Variants in ADGRL2 observed in about 807,000 individuals in gnomAD.
The protein encoded by ADGRL2 is adhesion G protein-coupled receptor L2.
In ADGRL2, 44 loss-of-function variants were observed where a neutral mutation model predicts 157.4. That is an observed-to-expected ratio of 0.28 (90% CI 0.22 to 0.36). ADGRL2 has a LOEUF of 0.36. Ranked by LOEUF, ADGRL2 falls within the 10% of genes least tolerant of loss-of-function variation. The pLI, the probability that ADGRL2 is intolerant of heterozygous loss-of-function variation, is 1.00. For missense variants in ADGRL2, 1,510 were observed against 1,768.9 expected, an observed-to-expected ratio of 0.85 and a Z score of 2.63; for synonymous variants, 585 against 624.7, an observed-to-expected ratio of 0.94 and a Z score of 0.95.
chr1:81,422,829 G>A (rs1255548457), intron 1 of ADGRL2, among the ~76,000 whole-genome samples: 1 of 152,106 alleles, frequency 6.6e-6, no homozygotes, highest in Non-Finnish European at 1.5e-5. Context: ...ATAATGCCTG[G>A]AATATATTAA....
intron 1 of ADGRL2, among the ~76,000 whole-genome samples, chr1:81,367,246 T>C (rs772479288): frequency 4.6e-5 from 7 of 152,208 alleles, no homozygotes; most frequent in Non-Finnish European, 7.3e-5. Flanking sequence ...AGAGTACATA[T>C]GCAGAATGTG....
In ADGRL2 at chr1:81,907,197, A is replaced by G. The variant is rs1426710649; in HGVS notation, c.254A>G (p.Tyr85Cys). 6.2e-7 allele frequency: 1 copy of G among 1,613,944 alleles called. No homozygotes were observed. Among genetic ancestry groups the G allele is most frequent in the African/African-American group, 1.3e-5 (1 of 74,978 alleles). The part of the protein sequence containing the change: ...DPFQMENTDC[Y>C]LPDAFKIMTQ... ...TTTCAGATGGAGAATACAGACTGCT[A>G]CCTCCCCGATGCCTTCAAAATTATG... The change falls in exon 3 of 24, where the codon TAC (tyrosine) becomes TGC (cysteine). Residue 85 changes from tyrosine (Y) to cysteine (C), a missense_variant. Around this residue, in one of 4 missense-constraint regions of ADGRL2, gnomAD observed 361 missense variants for 498.4 expected, o/e 0.72. Transcript: ENST00000686636.
intron 2 of ADGRL2, among the ~76,000 whole-genome samples, chr1:81,494,115 T>G (rs2078685871): frequency 6.6e-6 from 1 of 152,118 alleles, no homozygotes; most frequent in South Asian, 2.1e-4. Flanking sequence ...TAGCACCAAG[T>G]TTTGCAAACT....
intron 3 of ADGRL2, among the ~76,000 whole-genome samples, chr1:81,637,705 C>T (rs182539759): frequency 4.9e-4 from 74 of 152,234 alleles, no homozygotes; most frequent in Admixed American, 1.7e-3. Flanking sequence ...AAGAAACAGA[C>T]ATTTCTGTTT....
intron 1 of ADGRL2, among the ~76,000 whole-genome samples, chr1:81,408,614 T>C (rs2076896159): frequency 6.6e-6 from 1 of 152,216 alleles, no homozygotes; most frequent in Non-Finnish European, 1.5e-5. Context: ...CTCCATAGAT[T>C]TGCTGCTGAA....
intron 1 of ADGRL2, among the ~76,000 whole-genome samples, chr1:81,813,198 C>A (rs927043223): frequency 6.6e-6 from 1 of 150,746 alleles, no homozygotes; most frequent in African/African-American, 2.4e-5. Flanking sequence ...GGTATAGTAA[C>A]ATTATTTTAG....
chr1:81,723,630 T>C (rs2084411786), intron 1 of ADGRL2, among the ~76,000 whole-genome samples: 2 of 152,222 alleles, frequency 1.3e-5, no homozygotes. Context: ...CTGAAGCATT[T>C]TGGCTTGTCT....
At chr1:81,614,519 A>AT (rs367618178) in intron 3 of ADGRL2, among the ~76,000 whole-genome samples, 34 of 152,066 alleles carry the variant, frequency 2.2e-4, no homozygotes, top group Admixed American at 5.2e-4. Flanking sequence ...TGGTCCAAAG[A>AT]TTTTTTTTCA....
intron 1 of ADGRL2, among the ~76,000 whole-genome samples, chr1:81,442,000 A>T (rs1469720637): frequency 6.6e-6 from 1 of 151,954 alleles, no homozygotes; most frequent in Non-Finnish European, 1.5e-5. Flanking sequence ...TGCCTGGTTA[A>T]TTTTTACAAT....
intron 3 of ADGRL2, among the ~76,000 whole-genome samples, chr1:81,660,163 G>A (rs1259059456): frequency 1.3e-5 from 2 of 152,176 alleles, no homozygotes; most frequent in African/African-American, 4.8e-5. Flanking sequence ...ATTTAAAGCT[G>A]TGGAAAATAG....
chr1:81,643,260 C>T (rs1186971174), intron 3 of ADGRL2, among the ~76,000 whole-genome samples: 1 of 152,170 alleles, frequency 6.6e-6, no homozygotes, highest in Non-Finnish European at 1.5e-5. Flanking sequence ...AAGGTTAACA[C>T]ACAAAAGTCA....
intron 1 of ADGRL2, among the ~76,000 whole-genome samples, chr1:81,388,046 T>A (rs2076468831): frequency 6.6e-6 from 1 of 152,156 alleles, no homozygotes; most frequent in African/African-American, 2.4e-5. Flanking sequence ...ACGTGTGAGG[T>A]GGTATTTTTT....
At chr1:81,872,733 C>T (rs1457199429) in intron 2 of ADGRL2, among the ~76,000 whole-genome samples, 2 of 152,022 alleles carry the variant, frequency 1.3e-5, no homozygotes, top group Admixed American at 6.6e-5. Context: ...AGAGAGGACA[C>T]TTAGCTATAC....
chr1:81,465,061 A>T (rs566362008), intron 2 of ADGRL2, among the ~76,000 whole-genome samples: 1 of 152,072 alleles, frequency 6.6e-6, no homozygotes, highest in Non-Finnish European at 1.5e-5. Flanking sequence ...TCCAAGTGAT[A>T]CTGTGTTGTC....
chr1:81,736,689 G>A (rs2084911948), intron 1 of ADGRL2, among the ~76,000 whole-genome samples: 1 of 152,146 alleles, frequency 6.6e-6, no homozygotes, highest in African/African-American at 2.4e-5. Flanking sequence ...TTTTGACTCT[G>A]AAAATCCTGA....
chr1:81,407,910 G>A (rs1021965445), intron 1 of ADGRL2, among the ~76,000 whole-genome samples: 3 of 152,158 alleles, frequency 2.0e-5, no homozygotes, highest in African/African-American at 7.2e-5. Context: ...ATCTGAGAAA[G>A]GGGTTAGCAC....
intron 1 of ADGRL2, among the ~76,000 whole-genome samples, chr1:81,439,297 G>A (rs1379956293): frequency 1.3e-5 from 2 of 152,192 alleles, no homozygotes; most frequent in East Asian, 3.9e-4. Context: ...AGGTATTACA[G>A]CATGGTTGGT....
chr1:81,657,440 A>G (rs1266659031), intron 3 of ADGRL2, among the ~76,000 whole-genome samples: 1 of 152,166 alleles, frequency 6.6e-6, no homozygotes, highest in Non-Finnish European at 1.5e-5. Context: ...TTGTTTATAA[A>G]TTACCCAGTC....
intron 2 of ADGRL2, among the ~76,000 whole-genome samples, chr1:81,888,818 T>C (rs993699442): frequency 9.2e-5 from 14 of 152,194 alleles, no homozygotes; most frequent in African/African-American, 3.1e-4. Flanking sequence ...GCACCATTTT[T>C]CCAGCAGTAT....
Sources: allele counts gnomAD v4.1 joint callset (sites outside exome capture counted in the v4.1 genomes callset), GRCh38; gene constraint gnomAD v4.1.1; regional missense constraint gnomAD v4.1.1; transcripts MANE v1.5; gene names NCBI Gene and HGNC (gene_info 2026-07-23, HGNC 2026-07-21).